The following ATP13A4 variants were observed in gnomAD, a reference collection of about 807,000 sequenced individuals.
ATP13A4 encodes probable cation-transporting ATPase 13A4.
ATP13A4 carries 114 observed loss-of-function variants against 142.5 expected under a neutral mutation model. That is an observed-to-expected ratio of 0.80 (90% CI 0.69 to 0.93). The LOEUF (loss-of-function observed/expected upper bound fraction) is 0.93, where lower values mean the gene tolerates loss of function less well. Ranked by LOEUF, ATP13A4 falls within the 40% of genes least tolerant of loss-of-function variation. The pLI is 0.00. For missense variants in ATP13A4, 1,392 were observed against 1,454.0 expected, an observed-to-expected ratio of 0.96 and a Z score of 0.69; for synonymous variants, 488 against 514.8, an observed-to-expected ratio of 0.95 and a Z score of 0.70.
chr3:193,561,733 C>A (rs373085240), intron 2 of ATP13A4, among the ~76,000 whole-genome samples: 14 of 152,282 alleles, frequency 9.2e-5, no homozygotes, highest in African/African-American at 3.4e-4. Flanking sequence ...ATCAACCCTG[C>A]CAAAGCACTT....
intron 7 of ATP13A4, among the ~76,000 whole-genome samples, chr3:193,485,794 A>G (rs1400780645): frequency 6.6e-6 from 1 of 152,024 alleles, no homozygotes; most frequent in Non-Finnish European, 1.5e-5. Context: ...TCACCATGTG[A>G]GGATGCAATA....
chr3:193,568,554 C>T (rs1724191128), intron 2 of ATP13A4, among the ~76,000 whole-genome samples: 1 of 152,170 alleles, frequency 6.6e-6, no homozygotes, highest in Non-Finnish European at 1.5e-5. Flanking sequence ...GGACTAATAA[C>T]TTTAAGGACT....
chr3:193,573,308 C>CAT (rs1553862286), intron 2 of ATP13A4, among the ~76,000 whole-genome samples: 1,438 of 103,648 alleles, frequency 0.014, 52 homozygotes, highest in Non-Finnish European at 0.018. Flanking sequence ...TATATATATA[C>CAT]ATATATATAT....
chr3:193,525,961 A>G (rs1721978823), intron 1 of ATP13A4, among the ~76,000 whole-genome samples: 1 of 152,216 alleles, frequency 6.6e-6, no homozygotes, highest in Admixed American at 6.5e-5. Flanking sequence ...CACCCTTCTT[A>G]GTATGAGGAG....
chr3:193,529,129 C>G (rs763835989), intron 1 of ATP13A4, among the ~76,000 whole-genome samples: 1 of 151,862 alleles, frequency 6.6e-6, no homozygotes, highest in Non-Finnish European at 1.5e-5. Context: ...AATTAGCCGG[C>G]AATGGTGGCA....
chr3:193,592,932 C>G (rs549833719), intron 1 of ATP13A4: 1 of 178,880 alleles, frequency 5.6e-6, no homozygotes, highest in South Asian at 1.9e-4. Context: ...TCATGGCTCC[C>G]GGTGAGCATT....
At chr3:193,577,051 T>TG (rs1352944703) in intron 2 of ATP13A4, among the ~76,000 whole-genome samples, 20 of 152,326 alleles carry the variant, frequency 1.3e-4, no homozygotes, top group Non-Finnish European at 2.6e-4. Context: ...GACTCCATAA[T>TG]AGTAATCCAA....
chr3:193,413,605 G>A (rs1008121661), intron 26 of ATP13A4, among the ~76,000 whole-genome samples: 2 of 152,154 alleles, frequency 1.3e-5, no homozygotes, highest in African/African-American at 4.8e-5. Context: ...CATTCCTGGA[G>A]GGAGGTCAAT....
chr3:193,527,012 G>C (rs902299432), intron 1 of ATP13A4, among the ~76,000 whole-genome samples: 6 of 152,182 alleles, frequency 3.9e-5, no homozygotes, highest in African/African-American at 1.4e-4. Context: ...ATCAATGCTT[G>C]TTGGTCATAT....
intron 1 of ATP13A4, among the ~76,000 whole-genome samples, chr3:193,588,675 C>T (rs1052443318): frequency 1.3e-5 from 2 of 152,044 alleles, no homozygotes; most frequent in African/African-American, 2.4e-5. Context: ...CTTTTTTGAG[C>T]CCACTTTATG....
At chr3:193,483,816 C>A in intron 8 of ATP13A4, 120 bp downstream of exon 8, 6 of 953,162 alleles carry the variant, frequency 6.3e-6, no homozygotes, top group Non-Finnish European at 5.0e-6. Flanking sequence ...TCCCTTTGAA[C>A]AAATGCCTAA....
At chr3:193,523,680 G>T (rs1231232597) in intron 1 of ATP13A4, among the ~76,000 whole-genome samples, 1 of 152,212 alleles carries the variant, frequency 6.6e-6, no homozygotes, top group East Asian at 1.9e-4. Context: ...GCTTCATCTG[G>T]TTATTCATTT....
chr3:193,440,350 C>T (rs1576963774), intron 21 of ATP13A4: 1 of 918,088 alleles, frequency 1.1e-6, no homozygotes, highest in Non-Finnish European at 1.6e-6. Context: ...ATTTTTTAAG[C>T]CCCATATAAA....
At chr3:193,510,278 GC>G (rs978769697) in intron 2 of ATP13A4, among the ~76,000 whole-genome samples, 15 of 152,122 alleles carry the variant, frequency 9.9e-5, no homozygotes, top group African/African-American at 3.6e-4. Context: ...AACGCTCCTA[GC>G]CCTGACATCT....
chr3:193,564,741 C>T (rs887485417), intron 2 of ATP13A4, among the ~76,000 whole-genome samples: 3 of 152,144 alleles, frequency 2.0e-5, no homozygotes, highest in Admixed American at 6.6e-5. Context: ...CAGGGATCCC[C>T]GACCCCTAGG....
At chr3:193,530,638 C>T (rs1024423977) in intron 1 of ATP13A4, among the ~76,000 whole-genome samples, 1 of 152,194 alleles carries the variant, frequency 6.6e-6, no homozygotes, top group African/African-American at 2.4e-5. Flanking sequence ...AGTTCCACCT[C>T]TCTCTGAGGT....
intron 9 of ATP13A4, among the ~76,000 whole-genome samples, chr3:193,468,119 T>A (rs914574674): frequency 5.3e-5 from 8 of 151,922 alleles, no homozygotes; most frequent in African/African-American, 1.7e-4. Context: ...GCAGAGGTTG[T>A]GGTGAGCCAA....
intron 25 of ATP13A4, among the ~76,000 whole-genome samples, chr3:193,419,134 A>G (rs574178100): frequency 6.7e-6 from 1 of 150,044 alleles, no homozygotes; most frequent in South Asian, 2.1e-4. Context: ...GTTGCATCCC[A>G]GAGAAACTGC....
chr3:193,580,214 A>G (rs1247099760), intron 2 of ATP13A4, among the ~76,000 whole-genome samples: 2 of 152,122 alleles, frequency 1.3e-5, no homozygotes, highest in Non-Finnish European at 2.9e-5. Flanking sequence ...TTGACTACTG[A>G]AAGTGGATTA....
Sources: gnomAD v4.1 joint callset for allele counts (sites outside exome capture counted in the v4.1 genomes callset) on GRCh38, gnomAD v4.1.1 for gene constraint, MANE v1.5 for transcripts, NCBI Gene and HGNC (gene_info 2026-07-23, HGNC 2026-07-21) for gene names.